The following EIPR1 variants were observed in gnomAD, a reference collection of about 807,000 sequenced individuals.
EIPR1 encodes the protein EARP and GARP complex-interacting protein 1.
EIPR1 carries 25 observed loss-of-function variants against 48.1 expected under a neutral mutation model. The observed-to-expected ratio is 0.52, with a 90% CI of 0.38 to 0.73. EIPR1 has a LOEUF of 0.73. Ranked by LOEUF, EIPR1 falls within the 30% of genes least tolerant of loss-of-function variation. The pLI, the probability that EIPR1 is intolerant of heterozygous loss-of-function variation, is 0.00. For missense variants in EIPR1, 415 were observed against 506.2 expected, an observed-to-expected ratio of 0.82 and a Z score of 1.73; for synonymous variants, 204 against 201.9, an observed-to-expected ratio of 1.01 and a Z score of -0.09.
chr2:3,196,933 C>T lies in EIPR1; in HGVS notation c.601G>A (p.Val201Met), dbSNP rs1664830811. 4.3e-6 allele frequency: 7 copies of T among 1,613,810 alleles called. No homozygotes were observed. Among genetic ancestry groups the T allele is most frequent in the Non-Finnish European group, 5.9e-6 (7 of 1,180,034 alleles). Residue 201 changes from valine (V) to methionine (M), a missense_variant, in exon 6 of 9, where the codon GTG becomes ATG. By Grantham distance (21) the Val-to-Met change is conservative. Coordinates refer to ENST00000382125, the MANE Select transcript of EIPR1 (RefSeq NM_003310.5). ...RWSPHHNCTQ[V>M]ATANDTTLRG... ...AGGGTGGTGTCGTTCGCTGTGGCCA[C>T]CTGGGTGCAGTTATGATGTGGGCTC...
intron 3 of EIPR1, among the ~76,000 whole-genome samples, chr2:3,259,984 A>G (rs544060703): frequency 1.3e-5 from 2 of 152,368 alleles, no homozygotes; most frequent in Admixed American, 6.5e-5. Context: ...TCAAGAATAC[A>G]TAGTAGAATA....
chr2:3,278,653 G>A (rs1158181055), intron 3 of EIPR1, among the ~76,000 whole-genome samples: 2 of 152,128 alleles, frequency 1.3e-5, no homozygotes, highest in African/African-American at 2.4e-5. Context: ...TCTTTAAGGG[G>A]AGGGGCCTTC....
At chr2:3,289,494 C>T (rs535372203) in intron 3 of EIPR1, among the ~76,000 whole-genome samples, 79 of 152,272 alleles carry the variant, frequency 5.2e-4, no homozygotes, top group African/African-American at 1.8e-3. Context: ...ATGCCCTGCT[C>T]CCCACTCTGC....
At chr2:3,194,240 C>T (rs1664716526) in intron 6 of EIPR1, 74 bp from the exon 7 acceptor site, 3 of 1,564,724 alleles carry the variant, frequency 1.9e-6, no homozygotes, top group African/African-American at 2.7e-5. Flanking sequence ...TGCGGGCACA[C>T]ACTGGTTTCC....
chr2:3,262,959 G>A (rs1235149177), intron 3 of EIPR1, among the ~76,000 whole-genome samples: 1 of 152,216 alleles, frequency 6.6e-6, no homozygotes, highest in Non-Finnish European at 1.5e-5. Flanking sequence ...AAACTGCATG[G>A]TAGGTGCCCA....
intron 2 of EIPR1, among the ~76,000 whole-genome samples, chr2:3,340,621 T>C (rs1558309259): frequency 6.6e-6 from 1 of 152,230 alleles, no homozygotes; most frequent in Non-Finnish European, 1.5e-5. Context: ...TATTAGTTAT[T>C]AAATGATTAC....
At chr2:3,357,098 T>A (rs1383377647) in intron 1 of EIPR1, among the ~76,000 whole-genome samples, 1 of 152,206 alleles carries the variant, frequency 6.6e-6, no homozygotes, top group Non-Finnish European at 1.5e-5. Flanking sequence ...ATCACTTCAT[T>A]TACATGGGGT....
intron 1 of EIPR1, among the ~76,000 whole-genome samples, chr2:3,372,059 G>A (rs937520870): frequency 5.3e-5 from 8 of 151,636 alleles, no homozygotes; most frequent in Admixed American, 4.0e-4. Context: ...AATCAAACTA[G>A]AACTCAGGAT....
chr2:3,288,149 T>C (rs1668263878), intron 3 of EIPR1, among the ~76,000 whole-genome samples: 1 of 152,186 alleles, frequency 6.6e-6, no homozygotes, highest in Non-Finnish European at 1.5e-5. Context: ...GGCCACAGTC[T>C]CCCGCCGCCA....
At chr2:3,217,228 C>T (rs1665669434) in intron 4 of EIPR1, among the ~76,000 whole-genome samples, 1 of 152,156 alleles carries the variant, frequency 6.6e-6, no homozygotes, top group East Asian at 1.9e-4. Context: ...TAGGGCAGTT[C>T]GTTTTGGATG....
chr2:3,221,838 A>G (rs116780299), intron 4 of EIPR1, among the ~76,000 whole-genome samples: 13 of 146,302 alleles, frequency 8.9e-5, no homozygotes, highest in African/African-American at 3.0e-4. Flanking sequence ...AATGGCCGAG[A>G]TACACTCTAG....
intron 4 of EIPR1, among the ~76,000 whole-genome samples, chr2:3,252,216 G>A (rs1276612150): frequency 6.6e-6 from 1 of 152,200 alleles, no homozygotes; most frequent in African/African-American, 2.4e-5. Context: ...TTCTGCAGAG[G>A]CTCAGCGTCC....
intron 3 of EIPR1, chr2:3,298,463 G>C (rs963826256): frequency 6.6e-6 from 1 of 152,002 alleles, no homozygotes; most frequent in Admixed American, 6.6e-5. Context: ...TCATGCCCTT[G>C]AAAGAGATAA....
intron 4 of EIPR1, among the ~76,000 whole-genome samples, chr2:3,216,580 G>A (rs1486690074): frequency 6.6e-6 from 1 of 152,186 alleles, no homozygotes; most frequent in Non-Finnish European, 1.5e-5. Context: ...GAGCCTATAA[G>A]TTATCCACAC....
At chr2:3,198,593 C>T (rs1051323085) in intron 5 of EIPR1, among the ~76,000 whole-genome samples, 1 of 152,050 alleles carries the variant, frequency 6.6e-6, no homozygotes, top group African/African-American at 2.4e-5. Flanking sequence ...CTGTGTCGGT[C>T]GGTCTGAGAA....
intron 8 of EIPR1, among the ~76,000 whole-genome samples, chr2:3,191,258 G>A (rs112738101): frequency 9.0e-6 from 1 of 110,856 alleles, no homozygotes; most frequent in Non-Finnish European, 1.9e-5. Context: ...CCACTGCAGA[G>A]AGGGTCTGAA....
chr2:3,225,252 G>GTGTGTGTA (rs1666026012), intron 4 of EIPR1, among the ~76,000 whole-genome samples: 1 of 151,424 alleles, frequency 6.6e-6, no homozygotes, highest in Non-Finnish European at 1.5e-5. Context: ...GTGTGTGTGT[G>GTGTGTGTA]TGTGTGTGTG....
intron 3 of EIPR1, among the ~76,000 whole-genome samples, chr2:3,295,978 C>CAT (rs1668569179): frequency 3.7e-5 from 5 of 134,056 alleles, no homozygotes; most frequent in Non-Finnish European, 6.4e-5. Context: ...TCTCTGCACA[C>CAT]ACACCCTCCA....
chr2:3,213,310 A>C (rs1486059026), intron 5 of EIPR1, among the ~76,000 whole-genome samples: 1 of 152,248 alleles, frequency 6.6e-6, no homozygotes, highest in African/African-American at 2.4e-5. Flanking sequence ...GAATGCATGT[A>C]AAAACCACAT....
Sources: gnomAD v4.1 joint callset for allele counts (sites outside exome capture counted in the v4.1 genomes callset) on GRCh38, gnomAD v4.1.1 for gene constraint, MANE v1.5 for transcripts, NCBI Gene and HGNC (gene_info 2026-07-23, HGNC 2026-07-21) for gene names.